The following PCSK1 variants were observed in gnomAD, a reference collection of about 807,000 sequenced individuals.
PCSK1 encodes neuroendocrine convertase 1.
Under a neutral mutation model 90.6 loss-of-function variants are expected in PCSK1, and 56 were observed. The observed-to-expected ratio is 0.62, with a 90% CI of 0.50 to 0.77. The LOEUF is 0.77. Among genes scored for constraint, PCSK1 ranks in the 30% least tolerant of loss-of-function variants. The pLI, the probability that PCSK1 is intolerant of heterozygous loss-of-function variation, is 0.00. For synonymous variants in PCSK1, 348 were observed against 342.4 expected (o/e 1.02, Z -0.18); for missense variants, 801 against 932.6 (o/e 0.86, Z 1.84).
At chr5:96,424,111 A>T (rs1761210958) in intron 3 of PCSK1, among the ~76,000 whole-genome samples, 1 of 152,208 alleles carries the variant, frequency 6.6e-6, no homozygotes, top group Non-Finnish European at 1.5e-5. Context: ...TAGCAAGGGA[A>T]CACAGATATA....
intron 3 of PCSK1, among the ~76,000 whole-genome samples, chr5:96,425,200 T>C (rs766722026): frequency 4.6e-5 from 7 of 152,210 alleles, no homozygotes; most frequent in Non-Finnish European, 8.8e-5. Flanking sequence ...ATCCTTCTAT[T>C]AGCCTATACT....
chr5:96,417,080 A>G (rs1446287964), intron 5 of PCSK1, among the ~76,000 whole-genome samples: 1 of 152,218 alleles, frequency 6.6e-6, no homozygotes, highest in Non-Finnish European at 1.5e-5. Flanking sequence ...AGAGTGAAAG[A>G]GAGGAAGGGT....
At chr5:96,407,726 C>T (rs1220904168) in intron 9 of PCSK1, among the ~76,000 whole-genome samples, 1 of 152,168 alleles carries the variant, frequency 6.6e-6, no homozygotes, top group East Asian at 1.9e-4. Flanking sequence ...AAACTCCTGC[C>T]TTTAAATCTC....
chr5:96,423,148 T>C (rs1487825983), intron 4 of PCSK1, among the ~76,000 whole-genome samples, 165 bp downstream of exon 4: 1 of 152,124 alleles, frequency 6.6e-6, no homozygotes. Flanking sequence ...TGGTACAAAA[T>C]AAATTCATAT....
intron 5 of PCSK1, among the ~76,000 whole-genome samples, chr5:96,417,231 G>C (rs1450388991): frequency 6.6e-6 from 1 of 152,150 alleles, no homozygotes; most frequent in African/African-American, 2.4e-5. Flanking sequence ...TTTTCCTGAA[G>C]TAGCAAAGAT....
In PCSK1 at chr5:96,429,200, G is replaced by A. The variant is rs376246465; in HGVS notation, c.285+13C>T. 2 of 1,289,980 alleles carry A rather than the reference G, an allele frequency of 1.6e-6. No individual in the cohort carries two copies. Among genetic ancestry groups the A allele is most frequent in the Admixed American group, 1.7e-5 (1 of 59,550 alleles). 79.9% of individuals were successfully genotyped at this position (1,289,980 alleles called of 1,614,324 possible). A position where few individuals can be genotyped will look rare whatever the true frequency, so the allele number is the denominator to read the frequency against. ...CTAGAGTATTGGTTTGAAGACAAAT[G>A]TACAACACTTACACGATCATCATCA... On this transcript the variant is annotated intron_variant, in intron 2 of 13. Transcript: ENST00000311106.
At chr5:96,400,345 A>G (rs1022843915) in intron 9 of PCSK1, among the ~76,000 whole-genome samples, 159 bp from the exon 10 acceptor site, 6 of 152,222 alleles carry the variant, frequency 3.9e-5, no homozygotes, top group African/African-American at 1.2e-4. Context: ...ATATCTTTTC[A>G]TTCAGAATTC....
chr5:96,429,883 C>G lies in PCSK1; in HGVS notation c.181-566G>C, dbSNP rs548797317. Among the ~76,000 whole-genome samples the G allele has an allele frequency of 5.3e-5, 8 of 152,292 alleles. No homozygotes were observed. In the South Asian group the frequency reaches 1.7e-3, roughly 32 times the overall value. On this transcript the variant is annotated intron_variant, in intron 1 of 13. Coordinates refer to ENST00000311106, the MANE Select transcript of PCSK1 (RefSeq NM_000439.5). ...AGGCTAGTGATGCTTCTATTTTACA[C>G]ACATTGGAGGAAATACATGTTTTTC...
At chr5:96,432,112 C>A (rs1761522383) in intron 1 of PCSK1, 1 of 1,535,584 alleles carries the variant, frequency 6.5e-7, no homozygotes, top group African/African-American at 1.4e-5. Context: ...GAAATAGATC[C>A]CTTCCCCATA....
rs1167537210 is a variant in PCSK1, at chr5:96,395,045, A to G, written c.1723-20T>C. ...TCCAGACTAACAAATAAGCATACCT[A>G]CATTTAGTATGTGTTTTAGATAATA... On this transcript the variant is annotated intron_variant, in intron 12 of 13. Transcript: ENST00000311106. 1.9e-6 allele frequency: 3 copies of G among 1,575,052 alleles called. No individual in the cohort carries two copies. Among genetic ancestry groups the G allele is most frequent in the African/African-American group, 2.7e-5 (2 of 74,154 alleles).
intron 6 of PCSK1, among the ~76,000 whole-genome samples, chr5:96,413,292 C>A (rs906084235): frequency 1.3e-5 from 2 of 152,174 alleles, no homozygotes; most frequent in African/African-American, 4.8e-5. Flanking sequence ...CAGGCTGTCA[C>A]CCGTCATCAG....
intron 3 of PCSK1, 144 bp from the exon 4 acceptor site, chr5:96,423,603 A>G (rs777688539): frequency 3.0e-4 from 226 of 765,958 alleles, no homozygotes; most frequent in Non-Finnish European, 4.9e-4. Flanking sequence ...GTGAAATGAG[A>G]AAACAAAGTT....
intron 9 of PCSK1, 71 bp from the exon 10 acceptor site, chr5:96,400,257 A>G (rs1372537629): frequency 1.0e-6 from 1 of 994,288 alleles, no homozygotes; most frequent in Non-Finnish European, 1.6e-6. Context: ...AGTGCTAACA[A>G]TAAGCATCTC....
chr5:96,429,349 A>G (rs1384633823), intron 1 of PCSK1, 32 bp from the exon 2 acceptor site: 2 of 1,210,166 alleles, frequency 1.7e-6, no homozygotes, highest in East Asian at 4.7e-5. Context: ...ATAAATATCC[A>G]CGTTCCCAAA....
At position 96,432,972 on chromosome 5, in the gene PCSK1, C is replaced by T. The variant is rs1183154024; in HGVS notation, c.71G>A (p.Ser24Asn). 1.2e-6 allele frequency: 2 copies of T among 1,614,116 alleles called. No homozygotes were observed. The highest frequency in any genetic ancestry group is 1.1e-5 in the South Asian group (1 of 91,092). Residue 24 changes from serine to asparagine, a missense_variant, in exon 1 of 14, where the codon AGT becomes AAT. Ser to Asn is a conservative substitution (Grantham distance 46). Coordinates refer to ENST00000311106, the MANE Select transcript of PCSK1 (RefSeq NM_000439.5). ...GACAAATTGCCTTTTCGCTTTTGCA[C>T]TGTTCAGTGCACACCAAGCGCAAAA... ...VLFCAWCALN[S>N]AKAKRQFVNE...
At chr5:96,393,987 C>G (rs1478808503) in intron 13 of PCSK1, among the ~76,000 whole-genome samples, 1 of 152,180 alleles carries the variant, frequency 6.6e-6, no homozygotes, top group Non-Finnish European at 1.5e-5. Context: ...GCTTCCCAGA[C>G]TGTGAAGAAA....
In PCSK1 at chr5:96,423,435, G is replaced by C. The variant is rs563418997; in HGVS notation, c.421C>G (p.Leu141Val). 1 of 1,614,090 alleles carries C rather than the reference G, an allele frequency of 6.2e-7. No homozygotes were observed. The highest frequency in any genetic ancestry group is 1.3e-5 in the African/African-American group (1 of 75,048). ...ATCACATGAAGGTCCAGCTTGGGCA[G>C]GGCTGCCGTCATCCTGGTATCTTGC... ...YLQDTRMTAA[L>V]PKLDLHVIPV... Residue 141 changes from leucine (L) to valine (V), a missense_variant, in exon 4 of 14, where the codon CTG becomes GTG. Leu to Val is a conservative substitution (Grantham distance 32). Coordinates refer to ENST00000311106, the MANE Select transcript of PCSK1 (RefSeq NM_000439.5).
At chr5:96,428,599 T>C (rs530672236) in intron 2 of PCSK1, among the ~76,000 whole-genome samples, 13 of 152,274 alleles carry the variant, frequency 8.5e-5, no homozygotes, top group African/African-American at 3.1e-4. Context: ...AGATACAAAC[T>C]AGGATGAAAA....
chr5:96,414,715 A>T (rs1048856292), intron 6 of PCSK1, among the ~76,000 whole-genome samples: 1 of 152,348 alleles, frequency 6.6e-6, no homozygotes, highest in African/African-American at 2.4e-5. Context: ...TGAAGGGATC[A>T]GATGATTCTT....
Sources: allele counts gnomAD v4.1 joint callset (sites outside exome capture counted in the v4.1 genomes callset), GRCh38; gene constraint gnomAD v4.1.1; transcripts MANE v1.5; gene names NCBI Gene and HGNC (gene_info 2026-07-23, HGNC 2026-07-21).